The following KCNQ2 variants were observed in gnomAD, a reference collection of about 807,000 sequenced individuals.
KCNQ2 encodes potassium voltage-gated channel subfamily Q member 2.
KCNQ2 carries 14 observed loss-of-function variants against 84.8 expected under a neutral mutation model. The observed-to-expected ratio is 0.17, with a 90% CI of 0.11 to 0.26. The LOEUF (loss-of-function observed/expected upper bound fraction) is 0.26. KCNQ2 is among the 10% of genes least tolerant of loss of function. The probability of loss-of-function intolerance (pLI) is 1.00; values close to 1 mark genes in which losing one functional copy is unlikely to be tolerated. For missense variants in KCNQ2, 788 were observed against 1,254.0 expected, an observed-to-expected ratio of 0.63 and a Z score of 5.61; for synonymous variants, 599 against 554.1, an observed-to-expected ratio of 1.08 and a Z score of -1.14.
chr20:63,455,144 G>A (rs890789163), intron 1 of KCNQ2, among the ~76,000 whole-genome samples: 1 of 152,180 alleles, frequency 6.6e-6, no homozygotes, highest in African/African-American at 2.4e-5. Flanking sequence ...ATGGGAGGAC[G>A]GTGGGAGGAC....
chr20:63,423,224 T>C (rs2080526512), intron 11 of KCNQ2, among the ~76,000 whole-genome samples: 2 of 152,200 alleles, frequency 1.3e-5, no homozygotes, highest in South Asian at 2.1e-4. Context: ...TTCTGTGGGA[T>C]GTGGGGTGGC....
intron 1 of KCNQ2, among the ~76,000 whole-genome samples, chr20:63,462,715 G>A (rs1029641645): frequency 2.0e-5 from 3 of 152,222 alleles, no homozygotes; most frequent in Non-Finnish European, 2.9e-5. Context: ...GGAGCCCCAC[G>A]CAGCACCATT....
chr20:63,401,941 G>A lies in KCNQ2; in HGVS notation c.*4703C>T, dbSNP rs1324899680. 8 of 156,464 alleles carry A rather than the reference G, an allele frequency of 5.1e-5. No individual in the cohort carries two copies. The highest frequency in any genetic ancestry group is 1.4e-4 in the African/African-American group (5 of 34,920). 9.7% of individuals were successfully genotyped at this position (156,464 alleles called of 1,614,324 possible). Reference sequence around the variant, plus strand: ...TCGTGAGCCATCCCTCTCATACCACGTCTGCTGGGCACCCTCCACGGCAGG... The same window carrying A: ...TCGTGAGCCATCCCTCTCATACCACATCTGCTGGGCACCCTCCACGGCAGG... On this transcript the variant is annotated 3_prime_UTR_variant, in exon 17 of 17. Coordinates refer to ENST00000359125, the MANE Select transcript of KCNQ2 (RefSeq NM_172107.4).
Position 63,424,191 on chromosome 20 carries a change from C to G in KCNQ2, c.1233G>C (p.Pro411=). The G allele has an allele frequency of 6.4e-7, 1 of 1,555,978 alleles. No individual in the cohort carries two copies. The highest frequency in any genetic ancestry group is 8.7e-7 in the Non-Finnish European group (1 of 1,149,128). Residue 411 remains proline, a synonymous_variant, in exon 11 of 17, where the codon CCG becomes CCC. Transcript: ENST00000359125. The part of the protein sequence containing the change: ...SGLAFRKDPP[P]EPSPSKGSPC... ...GGGGCACTGACCTTGGAGACGGCTCCGGCGGGGGGTCCTTCCTTCAAACAG... is the reference window on the plus strand; with the variant it reads ...GGGGCACTGACCTTGGAGACGGCTCGGGCGGGGGGTCCTTCCTTCAAACAG...
intron 4 of KCNQ2, among the ~76,000 whole-genome samples, chr20:63,442,803 C>T (rs2081229956): frequency 2.0e-5 from 2 of 97,924 alleles, no homozygotes; most frequent in Non-Finnish European, 4.4e-5. Context: ...ATTACCACCA[C>T]CATTACCACC....
chr20:63,461,262 C>G (rs938906667), intron 1 of KCNQ2, among the ~76,000 whole-genome samples: 1 of 152,256 alleles, frequency 6.6e-6, no homozygotes, highest in Middle Eastern at 3.2e-3. Context: ...CAACTTTCTT[C>G]ACGTGATCTT....
rs1475099513 is a variant in KCNQ2, at chr20:63,425,065, C to CCCGTCTCTGCCT, written c.1218-871_1218-860dup. ...TGTCCTTGGCTTGTGGCTGCACCGC[C>CCCGTCTCTGCCT]CCGTCTCTGCCTCCGTCTCTACACG... On this transcript the variant is annotated intron_variant, in intron 10 of 16. Transcript: ENST00000359125. This position sits in a 1 kb window ranked among gnomAD's most constrained non-coding sequence, Gnocchi z 5.5. 6.6e-6 allele frequency among the ~76,000 whole-genome samples: 1 copy of CCCGTCTCTGCCT among 151,888 alleles called. No individual in the cohort carries two copies. Among genetic ancestry groups the CCCGTCTCTGCCT allele is most frequent in the African/African-American group, 2.4e-5 (1 of 41,298 alleles).
intron 4 of KCNQ2, among the ~76,000 whole-genome samples, chr20:63,442,972 C>T: frequency 8.4e-6 from 1 of 118,614 alleles, no homozygotes. Flanking sequence ...CCACCACCAC[C>T]ACCATCACCA....
At chr20:63,439,955 C>T (rs1028881800) in intron 5 of KCNQ2, among the ~76,000 whole-genome samples, 5 of 152,270 alleles carry the variant, frequency 3.3e-5, no homozygotes, top group Non-Finnish European at 7.3e-5. Flanking sequence ...CATCTCACAT[C>T]GAGAACCAGA....
At chr20:63,439,421 G>T (rs1203739256) in intron 6 of KCNQ2, among the ~76,000 whole-genome samples, 177 bp downstream of exon 6, 6 of 152,304 alleles carry the variant, frequency 3.9e-5, no homozygotes, top group Admixed American at 3.3e-4. Flanking sequence ...CCAGTCCTTG[G>T]GGAACAAGGC....
intron 1 of KCNQ2, chr20:63,463,873 G>C (rs1425381128): frequency 6.6e-6 from 1 of 151,866 alleles, no homozygotes; most frequent in East Asian, 1.9e-4. Flanking sequence ...CTAGAAGGAG[G>C]CTCCCTGCAG....
chr20:63,468,346 G>A (rs1458640224), intron 1 of KCNQ2, among the ~76,000 whole-genome samples: 1 of 152,142 alleles, frequency 6.6e-6, no homozygotes, highest in Non-Finnish European at 1.5e-5. Context: ...CCAGGGCCCC[G>A]CTCTGTGCTG....
At position 63,424,966 on chromosome 20, in the gene KCNQ2, G is replaced by A. The variant is rs932301596; in HGVS notation, c.1218-760C>T. On this transcript the variant is annotated intron_variant, in intron 10 of 16. Transcript: ENST00000359125. ...CCAAATACTTCATGTGACAGGGACCGTGTTGCCGTGGAACATGGTCCACGC... is the reference window on the plus strand; with the variant it reads ...CCAAATACTTCATGTGACAGGGACCATGTTGCCGTGGAACATGGTCCACGC... Among the ~76,000 whole-genome samples the A allele has an allele frequency of 2.0e-5, 3 of 152,184 alleles. No homozygotes were observed. In the East Asian group the frequency reaches 5.8e-4, roughly 29 times the overall value.
intron 1 of KCNQ2, among the ~76,000 whole-genome samples, chr20:63,467,049 C>T (rs1277104668): frequency 7.2e-5 from 11 of 152,250 alleles, no homozygotes; most frequent in Admixed American, 2.6e-4. Flanking sequence ...CCCCACCATC[C>T]TTGCCCCCCA....
intron 5 of KCNQ2, among the ~76,000 whole-genome samples, chr20:63,442,117 G>GGGTC (rs1331543617): frequency 1.3e-5 from 2 of 152,172 alleles, no homozygotes; most frequent in African/African-American, 4.8e-5. Flanking sequence ...AGCAGGTGGA[G>GGGTC]GGTCACTCAG....
At chr20:63,469,047 G>A (rs1019014426) in intron 1 of KCNQ2, among the ~76,000 whole-genome samples, 24 of 152,230 alleles carry the variant, frequency 1.6e-4, no homozygotes, top group Admixed American at 1.3e-3. Flanking sequence ...AGCAACCCAC[G>A]CGGGGATCCT....
Position 63,400,497 on chromosome 20 carries a change from G to C in KCNQ2, c.*6147C>G, listed in dbSNP as rs758367911. On this transcript the variant is annotated 3_prime_UTR_variant, in exon 17 of 17. Transcript: ENST00000359125. The surrounding 1 kb of genome is among the most constrained non-coding windows in gnomAD (Gnocchi z 8.7). ...ACAAAGTTGAGATTGAAGTGTGCGG[G>C]GTAACACATCCACCAAAAAAAGGCC... 1.3e-5 allele frequency: 5 copies of C among 397,392 alleles called. No homozygotes were observed. Among genetic ancestry groups the C allele is most frequent in the African/African-American group, 6.2e-5 (3 of 48,580 alleles). 24.6% of individuals were successfully genotyped at this position (397,392 alleles called of 1,614,324 possible).
intron 1 of KCNQ2, chr20:63,466,698 C>G (rs148628458): frequency 6.6e-6 from 1 of 152,258 alleles, no homozygotes; most frequent in Non-Finnish European, 1.5e-5. Context: ...CAAGGAAACT[C>G]GGGTCTAGGA....
chr20:63,413,272 G>T, intron 15 of KCNQ2, 178 bp downstream of exon 15: 1 of 685,082 alleles, frequency 1.5e-6, no homozygotes, highest in Non-Finnish European at 2.5e-6. Flanking sequence ...GGGAGAGACA[G>T]CAGAAATATT....
Sources: gnomAD v4.1 joint callset for allele counts (sites outside exome capture counted in the v4.1 genomes callset) on GRCh38, gnomAD v4.1.1 for gene constraint, Gnocchi (gnomAD v3.1) non-coding constraint, MANE v1.5 for transcripts, NCBI Gene and HGNC (gene_info 2026-07-23, HGNC 2026-07-21) for gene names.